CORO1B: variants seen among roughly 807,000 people sequenced by gnomAD.
CORO1B encodes coronin 1B.
Under a neutral mutation model 51.1 loss-of-function variants are expected in CORO1B, and 30 were observed. The ratio of observed to expected loss-of-function variants is 0.59; its 90% CI spans 0.44 to 0.80. The LOEUF (loss-of-function observed/expected upper bound fraction) is 0.80. Ranked by LOEUF, CORO1B falls within the 30% of genes least tolerant of loss-of-function variation. The probability of loss-of-function intolerance (pLI) is 0.00; values close to 1 mark genes in which losing one functional copy is unlikely to be tolerated. For missense variants in CORO1B, 648 were observed against 700.4 expected, an observed-to-expected ratio of 0.93 and a Z score of 0.84; for synonymous variants, 310 against 289.7, an observed-to-expected ratio of 1.07 and a Z score of -0.71.
chr11:67,437,429 GC>G lies in CORO1B; in HGVS notation c.*946del, dbSNP rs1161685912. On this transcript the variant is annotated 3_prime_UTR_variant, in exon 11 of 11. Transcript: ENST00000341356. ...CCTGGTCCGGTATGGGGTGCTGGGGGCCAGGCCTGGAGTCCCAGGGAGCCCA... is the reference window on the plus strand; with the variant it reads ...CCTGGTCCGGTATGGGGTGCTGGGGGCAGGCCTGGAGTCCCAGGGAGCCCA... 1.9e-5 allele frequency: 11 copies of G among 572,382 alleles called. No individual in the cohort carries two copies. Among genetic ancestry groups the G allele is most frequent in the Non-Finnish European group, 3.0e-5 (11 of 369,640 alleles). 35.5% of individuals were successfully genotyped at this position (572,382 alleles called of 1,614,324 possible). A position where few individuals can be genotyped will look rare whatever the true frequency, so the allele number is the denominator to read the frequency against.
chr11:67,443,512 GC>G (rs1864438079), upstream of CORO1B: 1 of 959,626 alleles, frequency 1.0e-6, no homozygotes, highest in African/African-American at 1.8e-5. Flanking sequence ...GGGACCCGGA[GC>G]GGGGGCGGGG....
Position 67,437,301 on chromosome 11 carries a change from C to T in CORO1B, c.*1075G>A. The T allele has an allele frequency of 3.1e-6, 1 of 321,074 alleles. No homozygotes were observed. The highest frequency in any genetic ancestry group is 2.1e-5 in the African/African-American group (1 of 46,884). 19.9% of individuals were successfully genotyped at this position (321,074 alleles called of 1,614,324 possible). On this transcript the variant is annotated 3_prime_UTR_variant, in exon 11 of 11. Transcript: ENST00000341356. ...CGGGGGAGGGGTGCTGAGGTGCAGC[C>T]AGCCTCCCCCACCACCCCAGGCTGT...
chr11:67,439,266 T>C (rs1173285814), intron 9 of CORO1B, among the ~76,000 whole-genome samples: 1 of 152,158 alleles, frequency 6.6e-6, no homozygotes, highest in Admixed American at 6.5e-5. Context: ...CTCCCCAAAA[T>C]GTGCCTGGCA....
At chr11:67,442,999 T>G (rs1248549945) in intron 1 of CORO1B, among the ~76,000 whole-genome samples, 1 of 151,904 alleles carries the variant, frequency 6.6e-6, no homozygotes, top group Non-Finnish European at 1.5e-5. Context: ...TCCTTCCTGC[T>G]CCCAGAGATT....
chr11:67,438,847 T>C lies in CORO1B; in HGVS notation c.1168A>G (p.Ile390Val). The C allele has an allele frequency of 6.2e-7, 1 of 1,609,612 alleles. No homozygotes were observed. The highest frequency in any genetic ancestry group is 8.5e-7 in the Non-Finnish European group (1 of 1,179,110). Reference protein sequence around the residue: ...VSGRDADPILISLREAYVPSK... With the variant: ...VSGRDADPILVSLREAYVPSK... ...GGCACGTAGGCCTCCCGCAGTGAGA[T>C]GAGGATCGGGTCGGCATCCCGCCCG... Residue 390 changes from isoleucine (I) to valine (V), a missense_variant, in exon 10 of 11, where the codon ATC (isoleucine) becomes GTC (valine). Physicochemically the swap from Ile to Val is conservative, Grantham distance 29 (BLOSUM62 3). Transcript: ENST00000341356.
Position 67,442,004 on chromosome 11 carries a change from C to T in CORO1B, c.286G>A (p.Glu96Lys), listed in dbSNP as rs769428845. ...LDIDWCPHND[E>K]VIASGSEDCT... The stretch of plus-strand genomic sequence containing the variant: ...TCCTCCGAGCCGCTGGCTATGACTT[C>T]GTCGTTGTGAGGACACCAGTCGATG... Residue 96 changes from glutamate (E) to lysine (K), a missense_variant, in exon 3 of 11, where the codon GAA (glutamate) becomes AAA (lysine). Transcript: ENST00000341356. 6.2e-6 allele frequency: 10 copies of T among 1,613,146 alleles called. No individual in the cohort carries two copies. Among genetic ancestry groups the T allele is most frequent in the South Asian group, 1.1e-5 (1 of 91,094 alleles).
chr11:67,437,587 C>T lies in CORO1B; in HGVS notation c.*789G>A. 3 of 1,347,170 alleles carry T rather than the reference C, an allele frequency of 2.2e-6. No homozygotes were observed. The highest frequency in any genetic ancestry group is 2.9e-6 in the Non-Finnish European group (3 of 1,040,276). The allele number at this position is 1,347,170 out of a possible 1,614,324, so 83.5% of individuals were successfully genotyped here. ...AGCCCCGACCGCCTGTGGCCCCCAT[C>T]CCAAGAACCCGGGGGGCTCCGAGGC... On this transcript the variant is annotated 3_prime_UTR_variant, in exon 11 of 11. Transcript: ENST00000341356.
rs1362990380 is a variant in CORO1B at position 67,440,193 on chromosome 11, G to A, written c.932C>T (p.Thr311Ile). ...CATACCCCGCTGCGGCTCCTTGCTG[G>A]TGAACGTGTTCAGGAAGTGGATGTA... is the stretch of plus-strand genomic sequence containing the variant. ...PPYIHFLNTFTSKEPQRGMGS... is the reference protein window; with the variant it reads ...PPYIHFLNTFISKEPQRGMGS... The change falls in exon 8 of 11, where the codon ACC becomes ATC. Residue 311 changes from threonine (T) to isoleucine (I), a missense_variant. Physicochemically the swap from Thr to Ile is moderately conservative, Grantham distance 89 (BLOSUM62 -1). Coordinates refer to ENST00000341356, the MANE Select transcript of CORO1B (RefSeq NM_020441.3). 6 of 1,613,904 alleles carry A rather than the reference G, an allele frequency of 3.7e-6. No homozygotes were observed. In the South Asian group the frequency reaches 6.6e-5, roughly 18 times the overall value.
In CORO1B at chr11:67,435,580, G is replaced by T; in HGVS notation, c.*2796C>A. ...GGTTGGGGGGGGCCGTTCCCGTGGT[G>T]AGCGGGGTACACATGGACTTGGGAA... On this transcript the variant is annotated 3_prime_UTR_variant, in exon 11 of 11. Coordinates refer to ENST00000341356, the MANE Select transcript of CORO1B (RefSeq NM_020441.3). 2 of 1,192,016 alleles carry T rather than the reference G, an allele frequency of 1.7e-6. No homozygotes were observed. The highest frequency in any genetic ancestry group is 2.3e-6 in the Non-Finnish European group (2 of 876,928). 73.8% of individuals were successfully genotyped at this position (1,192,016 alleles called of 1,614,324 possible).
Position 67,435,813 on chromosome 11 carries a change from G to C in CORO1B, c.*2563C>G, listed in dbSNP as rs1319917644. ...CAGGCTGCGCTGCCAGCAAAGGCGT[G>C]CAGGTCACTCAGCAGGGCCTCAGCA... On this transcript the variant is annotated 3_prime_UTR_variant, in exon 11 of 11. Transcript: ENST00000341356. 6.9e-6 allele frequency: 11 copies of C among 1,603,092 alleles called. No individual in the cohort carries two copies. Among genetic ancestry groups the C allele is most frequent in the Non-Finnish European group, 9.4e-6 (11 of 1,176,112 alleles).
In CORO1B at chr11:67,436,060, C is replaced by T. The variant is rs190012230; in HGVS notation, c.*2316G>A. On this transcript the variant is annotated 3_prime_UTR_variant, in exon 11 of 11. Coordinates refer to ENST00000341356, the MANE Select transcript of CORO1B (RefSeq NM_020441.3). ...GTCGCTCAAGGTCATTGTCTGTGGA[C>T]CCCAGCTCAGCTCGGGCCTGCAGCC... is the stretch of plus-strand genomic sequence containing the variant. 35 of 1,613,288 alleles carry T rather than the reference C, an allele frequency of 2.2e-5. 1 individual carries two copies. The Admixed American group carries it at 4.8e-4, about 22-fold the overall frequency.
rs777462508 is a variant in CORO1B at position 67,436,037 on chromosome 11, C to T, written c.*2339G>A. ...GTCTGTGTCCTGCTCATCCTCCTGT[C>T]GCTCAAGGTCATTGTCTGTGGACCC... On this transcript the variant is annotated 3_prime_UTR_variant, in exon 11 of 11. Coordinates refer to ENST00000341356, the MANE Select transcript of CORO1B (RefSeq NM_020441.3). 2.5e-5 allele frequency: 40 copies of T among 1,613,486 alleles called. No homozygotes were observed. The highest frequency in any genetic ancestry group is 3.3e-4 in the Middle Eastern group (2 of 6,084).
Position 67,436,035 on chromosome 11 carries a change from G to A in CORO1B, c.*2341C>T. 6.2e-7 allele frequency: 1 copy of A among 1,613,580 alleles called. No homozygotes were observed. The highest frequency in any genetic ancestry group is 8.5e-7 in the Non-Finnish European group (1 of 1,179,860). On this transcript the variant is annotated 3_prime_UTR_variant, in exon 11 of 11. Coordinates refer to ENST00000341356, the MANE Select transcript of CORO1B (RefSeq NM_020441.3). Reference sequence around the variant, plus strand: ...TAGTCTGTGTCCTGCTCATCCTCCTGTCGCTCAAGGTCATTGTCTGTGGAC... The same window carrying A: ...TAGTCTGTGTCCTGCTCATCCTCCTATCGCTCAAGGTCATTGTCTGTGGAC...
chr11:67,440,653 C>T, intron 6 of CORO1B: 1 of 687,478 alleles, frequency 1.5e-6, no homozygotes, highest in Non-Finnish European at 2.6e-6. Context: ...CCAGCCTCCT[C>T]CAGGCCTTAA....
chr11:67,442,721 CG>C lies in CORO1B; in HGVS notation c.-2-92del, dbSNP rs1276148026. 1.1e-5 allele frequency: 15 copies of C among 1,349,202 alleles called. 2 individuals carry two copies. The African/African-American group carries it at 1.6e-4, about 14-fold the overall frequency. The allele number at this position is 1,349,202 out of a possible 1,614,324, so 83.6% of individuals were successfully genotyped here. ...TGAAGGTGAGCCGGGAGGATGCAAC[CG>C]GGGGCCAGGCCACCGTAACCCTCCT... is the stretch of plus-strand genomic sequence containing the variant. On this transcript the variant is annotated intron_variant, in intron 1 of 10. Transcript: ENST00000341356.
chr11:67,440,340 C>T lies in CORO1B; in HGVS notation c.856G>A (p.Gly286Ser), dbSNP rs201889793. The T allele has an allele frequency of 6.0e-5, 97 of 1,613,496 alleles. No homozygotes were observed. The highest frequency in any genetic ancestry group is 2.2e-5 in the East Asian group (1 of 44,898). ...CCAGCCCTGCCCAGCCCCACCTTGC[C>T]GCAGACGTAGACCACACTGGTGTCG... ...DPDTSVVYVC[G>S]KGDSSIRYFE... The change falls in exon 7 of 11, where the codon GGC becomes AGC. Residue 286 changes from glycine (G) to serine (S), a missense_variant. Physicochemically the swap from Gly to Ser is moderately conservative, Grantham distance 56 (BLOSUM62 0). Transcript: ENST00000341356.
At chr11:67,443,500 G>C (rs530591918), upstream of CORO1B, 250 of 981,962 alleles carry the variant, frequency 2.5e-4, no homozygotes, top group Middle Eastern at 1.4e-3. Context: ...GGAAGTGACA[G>C]AGGGACCCGG....
chr11:67,440,691 C>G, intron 6 of CORO1B: 1 of 671,278 alleles, frequency 1.5e-6, no homozygotes, highest in Non-Finnish European at 2.7e-6. Flanking sequence ...TAAGCAAGTG[C>G]TGAAACATAC....
rs745408572 is a variant in CORO1B at position 67,441,133 on chromosome 11, A to C, written c.748T>G (p.Trp250Gly). ...SRMSERQLAL[W>G]DPENLEEPMA... ...TCAGGCTGGCCACTCACTGGGTCCC[A>C]GAGCGCCAGCTGCCGCTCGCTCATT... Residue 250 changes from tryptophan to glycine, a missense_variant, in exon 6 of 11, where the codon TGG becomes GGG. Coordinates refer to ENST00000341356, the MANE Select transcript of CORO1B (RefSeq NM_020441.3). 1 of 1,613,000 alleles carries C rather than the reference A, an allele frequency of 6.2e-7. No homozygotes were observed. Among genetic ancestry groups the C allele is most frequent in the South Asian group, 1.1e-5 (1 of 91,090 alleles).
Sources: allele counts gnomAD v4.1 joint callset (sites outside exome capture counted in the v4.1 genomes callset), GRCh38; gene constraint gnomAD v4.1.1; transcripts MANE v1.5; gene names NCBI Gene and HGNC (gene_info 2026-07-23, HGNC 2026-07-21).